The following ZNF322 variants were observed in gnomAD, a reference collection of about 807,000 sequenced individuals.
ZNF322 encodes the protein zinc finger protein 322.
Under a neutral mutation model 18.3 loss-of-function variants are expected in ZNF322, and 1 was observed. The observed-to-expected ratio is 0.05, with a 90% CI of 0.02 to 0.26. ZNF322 has a LOEUF of 0.26. ZNF322 is among the 10% of genes least tolerant of loss of function. The pLI is 1.00. For synonymous variants in ZNF322, 17 were observed against 130.7 expected, an observed-to-expected ratio of 0.13 and a Z score of 5.93; for missense variants, 36 against 403.6, an observed-to-expected ratio of 0.09 and a Z score of 7.80.
At chr6:26,649,602 C>CTT (rs35159226) in intron 2 of ZNF322, among the ~76,000 whole-genome samples, 2 of 135,174 alleles carry the variant, frequency 1.5e-5, no homozygotes, top group Admixed American at 7.4e-5. Flanking sequence ...AAAATAAAAA[C>CTT]TTTTTTTAAA....
At chr6:26,650,471 G>A (rs1554149094) in intron 2 of ZNF322, 1 of 152,026 alleles carries the variant, frequency 6.6e-6, no homozygotes, top group Non-Finnish European at 1.5e-5. Context: ...GGAAATAAAA[G>A]GTATAGAGAT....
At chr6:26,641,565 T>C (rs937204454) in intron 3 of ZNF322, among the ~76,000 whole-genome samples, 24 of 152,206 alleles carry the variant, frequency 1.6e-4, no homozygotes, top group Non-Finnish European at 2.4e-4. Context: ...TCCATTTTGA[T>C]CTGTACTCAG....
intron 3 of ZNF322, among the ~76,000 whole-genome samples, chr6:26,640,566 T>C (rs1554148211): frequency 6.6e-6 from 1 of 152,180 alleles, no homozygotes; most frequent in Non-Finnish European, 1.5e-5. Context: ...AACCACCCTA[T>C]TCTAAACTGT....
intron 2 of ZNF322, among the ~76,000 whole-genome samples, chr6:26,646,645 A>G (rs1765564150): frequency 6.6e-6 from 1 of 152,194 alleles, no homozygotes; most frequent in African/African-American, 2.4e-5. Flanking sequence ...AATGATGCAG[A>G]AGGCCTAAAT....
chr6:26,653,447 G>C (rs1460357209), intron 2 of ZNF322, among the ~76,000 whole-genome samples: 1 of 151,996 alleles, frequency 6.6e-6, no homozygotes, highest in Non-Finnish European at 1.5e-5. Context: ...GTTTGTAACG[G>C]GAAAATATTT....
intron 3 of ZNF322, among the ~76,000 whole-genome samples, chr6:26,640,179 G>A (rs147524945): frequency 2.0e-4 from 31 of 152,174 alleles, no homozygotes; most frequent in African/African-American, 7.5e-4. Context: ...GCAGTAAAAC[G>A]CTTTGAAATA....
chr6:26,649,215 G>A (rs1427023019), intron 2 of ZNF322, among the ~76,000 whole-genome samples: 3 of 152,174 alleles, frequency 2.0e-5, no homozygotes, highest in African/African-American at 7.2e-5. Flanking sequence ...AAACCCATGA[G>A]ACATTAAAAT....
intron 2 of ZNF322, among the ~76,000 whole-genome samples, chr6:26,655,511 G>A (rs911763398): frequency 6.6e-6 from 1 of 152,220 alleles, no homozygotes; most frequent in Non-Finnish European, 1.5e-5. Context: ...GCATAGGAGA[G>A]CAGGATTCCA....
At chr6:26,649,724 A>G (rs2113669962) in intron 2 of ZNF322, among the ~76,000 whole-genome samples, 1 of 33,742 alleles carries the variant, frequency 3.0e-5, no homozygotes, top group Non-Finnish European at 5.6e-5. Context: ...TTTTTTTGAG[A>G]CTGAGTTTCG....
At chr6:26,640,595 C>G (rs1202335508) in intron 3 of ZNF322, among the ~76,000 whole-genome samples, 3 of 152,168 alleles carry the variant, frequency 2.0e-5, no homozygotes, top group African/African-American at 7.2e-5. Context: ...TCCGTCCCAG[C>G]TGACTCACAA....
intron 3 of ZNF322, among the ~76,000 whole-genome samples, chr6:26,642,413 T>G (rs1765482182): frequency 6.6e-6 from 1 of 152,140 alleles, no homozygotes; most frequent in African/African-American, 2.4e-5. Flanking sequence ...TTGTCTCTCT[T>G]TGTCTTCTTT....
chr6:26,648,670 T>C (rs1420670695), intron 2 of ZNF322, among the ~76,000 whole-genome samples: 11 of 152,316 alleles, frequency 7.2e-5, no homozygotes, highest in African/African-American at 2.4e-4. Context: ...GAACACACAA[T>C]GATAGAGAAC....
At chr6:26,649,637 A>G (rs1004382587) in intron 2 of ZNF322, among the ~76,000 whole-genome samples, 23 of 67,620 alleles carry the variant, frequency 3.4e-4, no homozygotes, top group East Asian at 2.5e-3. Context: ...ATACATACAT[A>G]TGTGTGTGTG....
chr6:26,638,742 T>C lies in ZNF322; in HGVS notation c.-175-14A>G, dbSNP rs1267476970. 4 of 942,710 alleles carry C rather than the reference T, an allele frequency of 4.2e-6. No individual in the cohort carries two copies. The highest frequency in any genetic ancestry group is 2.9e-5 in the Admixed American group (1 of 34,280). The allele number at this position is 942,710 out of a possible 1,614,324, so 58.4% of individuals were successfully genotyped here. A position where few individuals can be genotyped will look rare whatever the true frequency, so the allele number is the denominator to read the frequency against. ...GTATTTCCAACCCTGTGAGACAAAG[T>C]AGAAATATTATTTATATTCCTATGA... On this transcript the variant is annotated splice_polypyrimidine_tract_variant and intron_variant, in intron 3 of 3. Transcript: ENST00000415922.
intron 2 of ZNF322, among the ~76,000 whole-genome samples, chr6:26,643,954 C>G (rs1581490388): frequency 6.6e-6 from 1 of 152,158 alleles, no homozygotes; most frequent in African/African-American, 2.4e-5. Context: ...CAATCTATAG[C>G]TTCCTTTGCA....
intron 2 of ZNF322, among the ~76,000 whole-genome samples, chr6:26,649,697 ATATAT>A (rs1561924963): frequency 3.8e-5 from 2 of 52,472 alleles, no homozygotes; most frequent in African/African-American, 9.5e-5. Context: ...ATATATATAT[ATATAT>A]TTTTTTTTTT....
At chr6:26,643,862 A>T (rs1765509433) in intron 2 of ZNF322, 134 bp from the exon 3 acceptor site, 1 of 152,254 alleles carries the variant, frequency 6.6e-6, no homozygotes, top group African/African-American at 2.4e-5. Flanking sequence ...CTAATCCCTT[A>T]AATTCAATTC....
chr6:26,645,464 G>C (rs1327050660), intron 2 of ZNF322, among the ~76,000 whole-genome samples: 1 of 151,714 alleles, frequency 6.6e-6, no homozygotes, highest in African/African-American at 2.4e-5. Flanking sequence ...ATCACAGTAA[G>C]TATGTATAGA....
In ZNF322 at chr6:26,659,684, GGGCCCACAAGGCC is replaced by G. The variant is rs1765850412; in HGVS notation, c.-591_-579del. 1.2e-5 allele frequency: 2 copies of G among 161,522 alleles called. No homozygotes were observed. 10.0% of individuals were successfully genotyped at this position (161,522 alleles called of 1,614,324 possible). ...AGAGCGCTTTAACAGAGCGCTTCAAGGGCCCACAAGGCCGGCTACGCAAACCCTTTCAAGCTGG... is the reference window on the plus strand; with the variant it reads ...AGAGCGCTTTAACAGAGCGCTTCAAGGGCTACGCAAACCCTTTCAAGCTGG... On this transcript the variant is annotated 5_prime_UTR_variant, in exon 1 of 4. Transcript: ENST00000415922.
Sources: allele counts gnomAD v4.1 joint callset (sites outside exome capture counted in the v4.1 genomes callset), GRCh38; gene constraint gnomAD v4.1.1; transcripts MANE v1.5; gene names NCBI Gene and HGNC (gene_info 2026-07-23, HGNC 2026-07-21).